MAP7: variants seen among roughly 807,000 people sequenced by gnomAD.
MAP7 encodes ensconsin.
A neutral mutation model predicts 94.8 loss-of-function variants in MAP7; 52 were observed. The observed-to-expected ratio is 0.55, with a 90% confidence interval of 0.44 to 0.69. The LOEUF is 0.69. Ranked by LOEUF, MAP7 falls within the 30% of genes least tolerant of loss-of-function variation. MAP7 has a pLI of 0.00. For synonymous variants in MAP7, 350 were observed against 357.0 expected (o/e 0.98, Z 0.22); for missense variants, 940 against 964.6 (o/e 0.97, Z 0.34).
intron 3 of MAP7, among the ~76,000 whole-genome samples, chr6:136,391,191 C>T (rs1369508073): frequency 1.3e-5 from 2 of 151,648 alleles, no homozygotes; most frequent in Admixed American, 6.6e-5. Flanking sequence ...GAAAATGTGG[C>T]ACATATACAC....
At chr6:136,402,682 G>A (rs371683264) in intron 3 of MAP7, among the ~76,000 whole-genome samples, 18 of 152,138 alleles carry the variant, frequency 1.2e-4, no homozygotes, top group Admixed American at 3.3e-4. Context: ...CGAGGCCGGC[G>A]GATCACGAGG....
At chr6:136,356,875 G>T in intron 15 of MAP7, 81 bp from the exon 16 acceptor site, 4 of 1,091,596 alleles carry the variant, frequency 3.7e-6, no homozygotes, top group Non-Finnish European at 5.5e-6. Context: ...AGAATGCCTT[G>T]ATTTATGTGC....
At chr6:136,384,377 A>G (rs184524878) in intron 5 of MAP7, among the ~76,000 whole-genome samples, 48 of 152,374 alleles carry the variant, frequency 3.2e-4, no homozygotes, top group Admixed American at 2.1e-3. Context: ...CCTTTATTAA[A>G]AATCTAAGAG....
At chr6:136,463,686 C>T (rs1351229979) in intron 1 of MAP7, among the ~76,000 whole-genome samples, 1 of 152,118 alleles carries the variant, frequency 6.6e-6, no homozygotes, top group Non-Finnish European at 1.5e-5. Context: ...TTTTCTTGTG[C>T]ATAACTTCCT....
At chr6:136,485,967 A>T (rs1419329616) in intron 1 of MAP7, among the ~76,000 whole-genome samples, 5 of 151,996 alleles carry the variant, frequency 3.3e-5, no homozygotes, top group Admixed American at 3.3e-4. Flanking sequence ...GTGGACAAAC[A>T]TTTTTTTCTC....
intron 11 of MAP7, 146 bp downstream of exon 11, chr6:136,362,304 G>T: frequency 9.5e-7 from 1 of 1,050,106 alleles, no homozygotes; most frequent in Non-Finnish European, 1.4e-6. Flanking sequence ...CTGCTTAGTA[G>T]TCATAGGAAA....
chr6:136,508,892 T>C (rs142027878), intron 1 of MAP7, among the ~76,000 whole-genome samples: 3,213 of 152,340 alleles, frequency 0.021, 47 homozygotes, highest in Middle Eastern at 0.071. Flanking sequence ...CAAATGATTA[T>C]GACAGTAAGT....
intron 2 of MAP7, 116 bp downstream of exon 2, chr6:136,421,585 A>C (rs1338290660): frequency 5.4e-6 from 5 of 921,794 alleles, no homozygotes; most frequent in Non-Finnish European, 8.3e-6. Context: ...GCTCTCCTAA[A>C]TTCGAGTTTT....
intron 3 of MAP7, among the ~76,000 whole-genome samples, chr6:136,409,981 A>C (rs1038137871): frequency 6.6e-6 from 1 of 152,264 alleles, no homozygotes; most frequent in Admixed American, 6.5e-5. Flanking sequence ...TTTAGGGAGA[A>C]CTGCAAGCTC....
chr6:136,491,236 G>C (rs1358029282), intron 1 of MAP7, among the ~76,000 whole-genome samples: 1 of 152,138 alleles, frequency 6.6e-6, no homozygotes, highest in African/African-American at 2.4e-5. Context: ...TGTACTTTGT[G>C]TTAAGCTGAA....
At chr6:136,495,786 A>C (rs1236166833) in intron 1 of MAP7, among the ~76,000 whole-genome samples, 2 of 152,192 alleles carry the variant, frequency 1.3e-5, no homozygotes, top group Admixed American at 1.3e-4. Context: ...GAATCTATAG[A>C]TTTTGCTAGG....
chr6:136,547,899 T>C (rs1259915432), intron 1 of MAP7, among the ~76,000 whole-genome samples: 1 of 152,126 alleles, frequency 6.6e-6, no homozygotes, highest in African/African-American at 2.4e-5. Context: ...GATATTCTCA[T>C]CTAAAGTGCC....
intron 16 of MAP7, among the ~76,000 whole-genome samples, chr6:136,349,483 C>T (rs1788557759): frequency 6.6e-6 from 1 of 152,166 alleles, no homozygotes; most frequent in South Asian, 2.1e-4. Flanking sequence ...AGGCGATCCT[C>T]CCGCCTCAGC....
At chr6:136,435,317 TG>T (rs764448881) in intron 1 of MAP7, among the ~76,000 whole-genome samples, 2 of 152,202 alleles carry the variant, frequency 1.3e-5, no homozygotes, top group Non-Finnish European at 2.9e-5. Flanking sequence ...GTCACAGGCC[TG>T]GCCTATCTCC....
chr6:136,388,583 T>A, intron 4 of MAP7, 73 bp from the exon 5 acceptor site: 1 of 1,174,214 alleles, frequency 8.5e-7, no homozygotes, highest in South Asian at 1.2e-5. Flanking sequence ...TAAGGCAGAA[T>A]GGAGTGAGGA....
At chr6:136,420,569 T>C (rs1425868925) in intron 2 of MAP7, 3 of 187,850 alleles carry the variant, frequency 1.6e-5, no homozygotes, top group Admixed American at 5.8e-5. Flanking sequence ...TTCTTCGGCA[T>C]AGAAGAACTC....
intron 1 of MAP7, among the ~76,000 whole-genome samples, chr6:136,431,540 C>T (rs1331306116): frequency 9.0e-5 from 10 of 111,368 alleles, no homozygotes; most frequent in Admixed American, 4.7e-4. Context: ...TTTTTTGAGA[C>T]GGAGTCTTGC....
At chr6:136,451,345 C>A (rs948243835) in intron 1 of MAP7, among the ~76,000 whole-genome samples, 1 of 152,200 alleles carries the variant, frequency 6.6e-6, no homozygotes, top group African/African-American at 2.4e-5. Flanking sequence ...ATAAAAGGAA[C>A]AAGAAAGCCT....
intron 1 of MAP7, among the ~76,000 whole-genome samples, chr6:136,522,350 G>T (rs1210875089): frequency 6.6e-6 from 1 of 152,008 alleles, no homozygotes; most frequent in Non-Finnish European, 1.5e-5. Context: ...ACTCCTTCAA[G>T]AATTATCTAG....
Sources: allele counts gnomAD v4.1 joint callset (sites outside exome capture counted in the v4.1 genomes callset), GRCh38; gene constraint gnomAD v4.1.1; transcripts MANE v1.5; gene names NCBI Gene and HGNC (gene_info 2026-07-23, HGNC 2026-07-21).